Variants in SUMF1 observed in about 807,000 individuals in gnomAD.
The protein encoded by SUMF1 is formylglycine-generating enzyme.
SUMF1 carries 48 observed loss-of-function variants against 47.6 expected under a neutral mutation model. The ratio of observed to expected loss-of-function variants is 1.01; its 90% CI spans 0.80 to 1.28. SUMF1 has a LOEUF of 1.28. Ranked by LOEUF, SUMF1 falls within the 50% of genes most tolerant of loss-of-function variation. The pLI is 0.00. For missense variants in SUMF1, 571 were observed against 485.4 expected, an observed-to-expected ratio of 1.18 and a Z score of -1.66; for synonymous variants, 230 against 192.1, an observed-to-expected ratio of 1.20 and a Z score of -1.63.
intron 8 of SUMF1, among the ~76,000 whole-genome samples, chr3:4,301,745 G>T (rs1321707887): frequency 6.6e-6 from 1 of 152,178 alleles, no homozygotes; most frequent in African/African-American, 2.4e-5. Flanking sequence ...AGCAAGACTG[G>T]CAGAAGAAGT....
intron 8 of SUMF1, among the ~76,000 whole-genome samples, chr3:4,255,620 C>A (rs1393232591): frequency 8.2e-6 from 1 of 122,272 alleles, no homozygotes; most frequent in Non-Finnish European, 1.7e-5. Flanking sequence ...TAAAGCAAGT[C>A]CTGAGTGACC....
chr3:4,441,723 A>T (rs569460497), intron 3 of SUMF1, among the ~76,000 whole-genome samples: 1 of 152,324 alleles, frequency 6.6e-6, no homozygotes, highest in African/African-American at 2.4e-5. Context: ...CGATAATAAT[A>T]CTCTGTTTTA....
intron 8 of SUMF1, among the ~76,000 whole-genome samples, chr3:4,166,674 G>A (rs1489028128): frequency 1.3e-5 from 2 of 152,142 alleles, no homozygotes; most frequent in African/African-American, 2.4e-5. Flanking sequence ...AGGAGGCAAG[G>A]GTCAGAACAG....
chr3:4,119,577 T>G (rs189103173), intron 8 of SUMF1, among the ~76,000 whole-genome samples: 1 of 152,226 alleles, frequency 6.6e-6, no homozygotes, highest in East Asian at 1.9e-4. Flanking sequence ...TACTGAAATG[T>G]CACATTGTCT....
chr3:4,062,203 A>C (rs1428501650), intron 9 of SUMF1, among the ~76,000 whole-genome samples: 1 of 152,176 alleles, frequency 6.6e-6, no homozygotes, highest in Admixed American at 6.5e-5. Flanking sequence ...GCTGACAGCT[A>C]TTCTCACTGT....
chr3:4,360,488 G>A (rs1351637032), downstream of SUMF1, among the ~76,000 whole-genome samples: 1 of 151,920 alleles, frequency 6.6e-6, no homozygotes, highest in African/African-American at 2.4e-5. Context: ...ACCACTCCTG[G>A]CTAAATTTTA....
At chr3:4,117,655 C>A (rs1262858009) in intron 8 of SUMF1, among the ~76,000 whole-genome samples, 5 of 151,968 alleles carry the variant, frequency 3.3e-5, no homozygotes, top group African/African-American at 1.2e-4. Context: ...AGAATGAGGA[C>A]AATAATACCT....
Position 4,385,179 on chromosome 3 carries a change from C to A in SUMF1, c.955-8790G>T, listed in dbSNP as rs547058485. On this transcript the variant is annotated intron_variant, in intron 7 of 8. Transcript: ENST00000272902. ...AGGATTACAGGAGTGAGCCGCTGTGCCCAGCTGAATGTTTAGGTTTTAAAG... is the reference window on the plus strand; with the variant it reads ...AGGATTACAGGAGTGAGCCGCTGTGACCAGCTGAATGTTTAGGTTTTAAAG... Among the ~76,000 whole-genome samples, 137 of 152,230 alleles carry A rather than the reference C, an allele frequency of 9.0e-4. 1 individual carries two copies. Among genetic ancestry groups the A allele is most frequent in the South Asian group, 8.7e-3 (42 of 4,804 alleles).
chr3:4,236,658 G>C (rs1302422992), intron 8 of SUMF1, among the ~76,000 whole-genome samples: 1 of 152,070 alleles, frequency 6.6e-6, no homozygotes, highest in East Asian at 1.9e-4. Context: ...AAATTGTGCA[G>C]AAAGTACAGA....
intron 8 of SUMF1, among the ~76,000 whole-genome samples, chr3:4,121,832 C>T (rs143831680): frequency 2.2e-4 from 34 of 152,054 alleles, no homozygotes; most frequent in Non-Finnish European, 4.6e-4. Context: ...AAGCCTAATG[C>T]CCATTAGTTA....
intron 4 of SUMF1, 91 bp from the exon 5 acceptor site, chr3:4,418,223 G>C (rs1364076658): frequency 1.3e-6 from 2 of 1,571,322 alleles, no homozygotes; most frequent in Non-Finnish European, 1.7e-6. Flanking sequence ...ATCCCCCTCA[G>C]TTCAATCTGT....
At chr3:4,153,834 A>T (rs940826469) in intron 8 of SUMF1, among the ~76,000 whole-genome samples, 2 of 151,556 alleles carry the variant, frequency 1.3e-5, no homozygotes, top group African/African-American at 4.9e-5. Flanking sequence ...TTAATATAAA[A>T]TTTTTTAAAG....
intron 7 of SUMF1, among the ~76,000 whole-genome samples, chr3:4,391,962 A>G (rs1308817314): frequency 6.6e-6 from 1 of 151,808 alleles, no homozygotes; most frequent in Non-Finnish European, 1.5e-5. Context: ...CCAAGTAGTT[A>G]GGACTACAGA....
intron 8 of SUMF1, among the ~76,000 whole-genome samples, chr3:4,183,042 A>T (rs907763553): frequency 6.6e-6 from 1 of 152,132 alleles, no homozygotes; most frequent in Admixed American, 6.5e-5. Flanking sequence ...CTATCGGCCA[A>T]CTGGGAATAA....
chr3:4,235,498 G>A (rs752731658), intron 8 of SUMF1, among the ~76,000 whole-genome samples: 2 of 151,968 alleles, frequency 1.3e-5, no homozygotes, highest in Non-Finnish European at 2.9e-5. Context: ...AAGCCCTTAG[G>A]ATAACCAATT....
chr3:4,188,858 A>G (rs750747075), intron 8 of SUMF1, among the ~76,000 whole-genome samples: 10 of 152,216 alleles, frequency 6.6e-5, no homozygotes, highest in African/African-American at 9.6e-5. Flanking sequence ...AAGGGCTATC[A>G]TAAGTGTTTT....
intron 8 of SUMF1, among the ~76,000 whole-genome samples, chr3:4,121,789 G>T (rs1483591726): frequency 6.6e-6 from 1 of 151,978 alleles, no homozygotes; most frequent in Non-Finnish European, 1.5e-5. Context: ...TGTCATGAGG[G>T]TTATGTACAG....
intron 8 of SUMF1, among the ~76,000 whole-genome samples, chr3:4,151,004 C>T (rs1251604935): frequency 1.3e-5 from 2 of 151,436 alleles, no homozygotes; most frequent in East Asian, 3.9e-4. Flanking sequence ...ATGGCCTTCA[C>T]ACCTGAAGTC....
chr3:4,400,039 G>A (rs1451120027), intron 7 of SUMF1, among the ~76,000 whole-genome samples: 13 of 152,088 alleles, frequency 8.5e-5, no homozygotes, highest in Non-Finnish European at 1.6e-4. Context: ...GCACCCAGCC[G>A]AGAGCCTAAA....
Sources: gnomAD v4.1 joint callset for allele counts (sites outside exome capture counted in the v4.1 genomes callset) on GRCh38, gnomAD v4.1.1 for gene constraint, MANE v1.5 for transcripts, NCBI Gene and HGNC (gene_info 2026-07-23, HGNC 2026-07-21) for gene names.